Variants in CNTN5 observed in about 807,000 individuals in gnomAD.
The protein encoded by CNTN5 is contactin-5.
In CNTN5, 77 loss-of-function variants were observed where a neutral mutation model predicts 129.1. The ratio of observed to expected loss-of-function variants is 0.60; its 90% CI spans 0.50 to 0.72. CNTN5 has a LOEUF of 0.72. Ranked by LOEUF, CNTN5 falls within the 30% of genes least tolerant of loss-of-function variation. The probability of loss-of-function intolerance (pLI) is 0.00; values close to 1 mark genes in which losing one functional copy is unlikely to be tolerated. For synonymous variants in CNTN5, 509 were observed against 465.6 expected (o/e 1.09, Z -1.20); for missense variants, 1,478 against 1,328.8 (o/e 1.11, Z -1.75).
At chr11:100,110,162 G>A (rs2059015) in intron 13 of CNTN5, among the ~76,000 whole-genome samples, 109,700 of 149,084 alleles carry the variant, frequency 0.74, 40,746 homozygotes, top group East Asian at 0.96. Context: ...ACTCCATCCT[G>A]GGTGACAGAG....
intron 2 of CNTN5, among the ~76,000 whole-genome samples, chr11:99,543,744 C>T (rs888898841): frequency 4.0e-5 from 6 of 151,758 alleles, no homozygotes; most frequent in African/African-American, 1.5e-4. Flanking sequence ...ATGGTGAAAC[C>T]CCATCTCTAC....
chr11:100,059,841 A>C (rs1943390139), intron 9 of CNTN5, among the ~76,000 whole-genome samples: 1 of 152,190 alleles, frequency 6.6e-6, no homozygotes, highest in South Asian at 2.1e-4. Flanking sequence ...TTTGTGAATG[A>C]CTGCTACAGA....
intron 1 of CNTN5, among the ~76,000 whole-genome samples, chr11:99,271,594 A>G (rs1863174256): frequency 6.6e-6 from 1 of 151,872 alleles, no homozygotes; most frequent in African/African-American, 2.4e-5. Context: ...TGAAGGACTA[A>G]GTAGGGTATT....
intron 2 of CNTN5, among the ~76,000 whole-genome samples, chr11:99,437,194 G>T (rs963787878): frequency 1.3e-5 from 2 of 152,072 alleles, no homozygotes; most frequent in Admixed American, 1.3e-4. Flanking sequence ...AAGAGCGGTC[G>T]CTTACACCAT....
intron 6 of CNTN5, among the ~76,000 whole-genome samples, chr11:99,861,638 A>T (rs1401373710): frequency 1.3e-5 from 2 of 152,340 alleles, no homozygotes; most frequent in Admixed American, 1.3e-4. Flanking sequence ...ATGTAATTTG[A>T]CTATAAATAT....
chr11:99,805,401 A>T (rs1342870953), intron 3 of CNTN5, among the ~76,000 whole-genome samples: 1 of 152,214 alleles, frequency 6.6e-6, no homozygotes, highest in Non-Finnish European at 1.5e-5. Context: ...CAGAAAACCG[A>T]AACAATCAAC....
chr11:100,175,601 G>A (rs1381763458), intron 13 of CNTN5, among the ~76,000 whole-genome samples: 4 of 152,054 alleles, frequency 2.6e-5, no homozygotes, highest in South Asian at 2.1e-4. Flanking sequence ...AGGAGGTTAC[G>A]AATTAGTCAA....
At chr11:99,130,038 T>C (rs1168304325) in intron 1 of CNTN5, among the ~76,000 whole-genome samples, 2 of 152,096 alleles carry the variant, frequency 1.3e-5, no homozygotes, top group African/African-American at 4.8e-5. Flanking sequence ...AACAACACTA[T>C]GAAGCAATTA....
In CNTN5 at chr11:99,944,147, A is replaced by G. The variant is rs533787525; in HGVS notation, c.674-12659A>G. Among the ~76,000 whole-genome samples the G allele has an allele frequency of 2.8e-4, 43 of 151,960 alleles. 1 individual carries two copies. The highest frequency in any genetic ancestry group is 1.1e-3 in the Admixed American group (16 of 15,214). On this transcript the variant is annotated intron_variant, in intron 7 of 24. Coordinates refer to ENST00000524871, the MANE Select transcript of CNTN5 (RefSeq NM_014361.4). ...CTTCAGGCAGTATGGTCATTTTCATAATATTCATCTCTGGGACACAGCTAA... is the reference window on the plus strand; with the variant it reads ...CTTCAGGCAGTATGGTCATTTTCATGATATTCATCTCTGGGACACAGCTAA...
intron 2 of CNTN5, among the ~76,000 whole-genome samples, chr11:99,393,806 C>T (rs1007088655): frequency 6.6e-6 from 1 of 151,552 alleles, no homozygotes; most frequent in Non-Finnish European, 1.5e-5. Context: ...AGAAACAAAA[C>T]AATGTGGGAA....
intron 16 of CNTN5, among the ~76,000 whole-genome samples, chr11:100,238,824 T>A (rs1304887630): frequency 6.6e-6 from 1 of 152,220 alleles, no homozygotes; most frequent in Non-Finnish European, 1.5e-5. Context: ...TCTAAGCTCA[T>A]TATCTATTGA....
chr11:99,257,632 C>A (rs916989577), intron 1 of CNTN5, among the ~76,000 whole-genome samples: 1 of 151,816 alleles, frequency 6.6e-6, no homozygotes, highest in African/African-American at 2.4e-5. Context: ...TTAGCAAGTT[C>A]AGATTTCAGG....
chr11:100,234,628 C>T (rs1402287419), intron 16 of CNTN5, among the ~76,000 whole-genome samples: 10 of 150,938 alleles, frequency 6.6e-5, no homozygotes, highest in South Asian at 2.1e-4. Flanking sequence ...AACATTCACA[C>T]ATCAGGGCCT....
At chr11:99,507,269 C>A (rs902992069) in intron 2 of CNTN5, among the ~76,000 whole-genome samples, 1 of 147,218 alleles carries the variant, frequency 6.8e-6, no homozygotes, top group Admixed American at 6.9e-5. Context: ...CCCAGCTACT[C>A]GGGAGGCTGA....
chr11:99,363,894 T>C (rs747448682), intron 2 of CNTN5, among the ~76,000 whole-genome samples: 2 of 152,106 alleles, frequency 1.3e-5, no homozygotes. Flanking sequence ...TCCTGTTTTC[T>C]TTCCTTGAGA....
intron 13 of CNTN5, among the ~76,000 whole-genome samples, chr11:100,099,362 T>C (rs12280108): frequency 0.012 from 1,760 of 152,084 alleles, 40 homozygotes; most frequent in African/African-American, 0.04. Context: ...ATTCTTAGTT[T>C]GATATTATTT....
At chr11:99,088,057 A>T (rs1244214203) in intron 1 of CNTN5, among the ~76,000 whole-genome samples, 1 of 152,128 alleles carries the variant, frequency 6.6e-6, no homozygotes, top group Non-Finnish European at 1.5e-5. Flanking sequence ...GCCTTTTTGG[A>T]GGAGAGGTGC....
At chr11:100,044,006 C>A (rs377258168) in intron 9 of CNTN5, among the ~76,000 whole-genome samples, 3 of 151,716 alleles carry the variant, frequency 2.0e-5, no homozygotes, top group African/African-American at 7.3e-5. Context: ...ACATTGTGCC[C>A]GTTAAGTAAT....
intron 9 of CNTN5, among the ~76,000 whole-genome samples, chr11:100,020,438 G>A (rs1397709906): frequency 1.3e-5 from 2 of 151,998 alleles, no homozygotes; most frequent in Non-Finnish European, 2.9e-5. Context: ...ACAGTTAACT[G>A]TAGATGTGTC....
Sources: allele counts gnomAD v4.1 joint callset (sites outside exome capture counted in the v4.1 genomes callset), GRCh38; gene constraint gnomAD v4.1.1; transcripts MANE v1.5; gene names NCBI Gene and HGNC (gene_info 2026-07-23, HGNC 2026-07-21).